The following ZFAT variants were observed in gnomAD, a reference collection of about 807,000 sequenced individuals.
ZFAT encodes the protein zinc finger and AT-hook domain containing.
In ZFAT, 64 loss-of-function variants were observed where a neutral mutation model predicts 117.7. The observed-to-expected ratio is 0.54, with a 90% CI of 0.44 to 0.67. The LOEUF (loss-of-function observed/expected upper bound fraction) is 0.67, where lower values mean the gene tolerates loss of function less well. ZFAT is among the 30% of genes least tolerant of loss of function. The pLI is 0.00. For missense variants in ZFAT, 1,433 were observed against 1,584.5 expected (o/e 0.90, Z 1.62); for synonymous variants, 679 against 615.0 (o/e 1.10, Z -1.54).
the ZFAT span, among the ~76,000 whole-genome samples, chr8:134,788,619 C>G: frequency 6.6e-6 from 1 of 152,042 alleles, no homozygotes; most frequent in Admixed American, 6.6e-5. Context: ...TCCTCTGCAT[C>G]TGATTTTTTG....
chr8:134,712,739 GGCGGCCGGCGC>G, intron 1 of ZFAT, 95 bp downstream of exon 1: 2 of 1,135,924 alleles, frequency 1.8e-6, no homozygotes, highest in Non-Finnish European at 2.3e-6. Context: ...GCCGGCGGCC[GGCGGCCGGCGC>G]ACTGCTTCCC....
the ZFAT span, among the ~76,000 whole-genome samples, chr8:134,742,163 C>CTTTTTTTTTTTT: frequency 6.8e-6 from 1 of 146,492 alleles, no homozygotes; most frequent in African/African-American, 2.5e-5. Context: ...CAGATCATTT[C>CTTTTTTTTTTTT]TTTTTTTTTT....
At position 134,625,618 on chromosome 8, in the gene ZFAT, T is replaced by C. The variant is rs974229860; in HGVS notation, c.448+11843A>G. Among the ~76,000 whole-genome samples, 4 of 152,208 alleles carry C rather than the reference T, an allele frequency of 2.6e-5. No individual in the cohort carries two copies. The East Asian group carries it at 7.7e-4, about 29-fold the overall frequency. ...GGAATAGACTTGTCTTACTCAACTT[T>C]GATCCCCAAAGTCTGACTTGGTGCC... On this transcript the variant is annotated intron_variant, in intron 3 of 15. Coordinates refer to ENST00000377838, the MANE Select transcript of ZFAT (RefSeq NM_020863.4).
At chr8:134,506,722 T>C (rs1372382613) in intron 15 of ZFAT, among the ~76,000 whole-genome samples, 2 of 152,232 alleles carry the variant, frequency 1.3e-5, no homozygotes, top group Non-Finnish European at 2.9e-5. Flanking sequence ...AGAGTATATA[T>C]CTATTTGTTT....
At chr8:134,673,637 T>C (rs1272833801) in intron 1 of ZFAT, 1 of 152,434 alleles carries the variant, frequency 6.6e-6, no homozygotes, top group Non-Finnish European at 1.5e-5. Context: ...TCTGCTTGTA[T>C]CTTTTCCTTC....
At position 134,512,581 on chromosome 8, in the gene ZFAT, C is replaced by G; in HGVS notation, c.3255G>C (p.Glu1085Asp). The change falls in exon 14 of 16, where the codon GAG (glutamate) becomes GAC (aspartate). Residue 1085 changes from glutamate to aspartate, a missense_variant. Glu to Asp is a conservative substitution (Grantham distance 45). Coordinates refer to ENST00000377838, the MANE Select transcript of ZFAT (RefSeq NM_020863.4). ...TGTGGAGATACTGGGTGGAGGGCTC[C>G]TCAGGAGCTTCTGTTGCTGTCTAAA... ...PKWETATEAP[E>D]EPSTQYLHIT... 1 of 1,613,648 alleles carries G rather than the reference C, an allele frequency of 6.2e-7. No individual in the cohort carries two copies. The highest frequency in any genetic ancestry group is 8.5e-7 in the Non-Finnish European group (1 of 1,179,796).
the ZFAT span, among the ~76,000 whole-genome samples, chr8:134,786,513 A>T: frequency 6.6e-6 from 1 of 152,174 alleles, no homozygotes; most frequent in Admixed American, 6.5e-5. Context: ...GCATTCACTG[A>T]GATAGTAACA....
At chr8:134,776,453 C>A in the ZFAT span, among the ~76,000 whole-genome samples, 1 of 152,118 alleles carries the variant, frequency 6.6e-6, no homozygotes, top group Admixed American at 6.6e-5. Flanking sequence ...CAGGCACGCA[C>A]CACCACATCC....
chr8:134,553,820 G>T (rs1206763574), intron 11 of ZFAT, among the ~76,000 whole-genome samples: 1 of 152,210 alleles, frequency 6.6e-6, no homozygotes, highest in Non-Finnish European at 1.5e-5. Context: ...AAGCTGCAGA[G>T]GGGAGAGTGC....
At position 134,552,328 on chromosome 8, in the gene ZFAT, T is replaced by C. The variant is rs75288362; in HGVS notation, c.2976+13005A>G. 5.3e-3 allele frequency among the ~76,000 whole-genome samples: 800 copies of C among 152,380 alleles called. 6 individuals carry two copies. Among genetic ancestry groups the C allele is most frequent in the African/African-American group, 0.018 (769 of 41,588 alleles). ...ACCAAATGAATAGTTAGCACTTTAT[T>C]TGTACTTATGTTTTTTCTTAAAATT... On this transcript the variant is annotated intron_variant, in intron 11 of 15. Transcript: ENST00000377838.
At chr8:134,826,599 T>C in the ZFAT span, among the ~76,000 whole-genome samples, 1 of 152,222 alleles carries the variant, frequency 6.6e-6, no homozygotes, top group Non-Finnish European at 1.5e-5. Context: ...TTTAAAAGAC[T>C]GTACACCTTA....
the ZFAT span, among the ~76,000 whole-genome samples, chr8:134,768,743 T>A: frequency 6.6e-6 from 1 of 152,190 alleles, no homozygotes; most frequent in Admixed American, 6.5e-5. Flanking sequence ...AAGATGAGAT[T>A]TGGGTGGGGA....
intron 2 of ZFAT, among the ~76,000 whole-genome samples, chr8:134,656,521 T>G (rs977261108): frequency 6.6e-6 from 1 of 152,234 alleles, no homozygotes; most frequent in Non-Finnish European, 1.5e-5. Context: ...TCCCAAAAAC[T>G]TAATCTTCTG....
intron 11 of ZFAT, 147 bp from the exon 12 acceptor site, chr8:134,533,119 G>T: frequency 7.8e-7 from 1 of 1,274,238 alleles, no homozygotes; most frequent in Non-Finnish European, 1.1e-6. Flanking sequence ...AAAACCACTA[G>T]GGCAGGAATG....
At chr8:134,810,706 A>C in the ZFAT span, among the ~76,000 whole-genome samples, 2 of 152,180 alleles carry the variant, frequency 1.3e-5, no homozygotes, top group East Asian at 1.9e-4. Flanking sequence ...AAAAGAATAA[A>C]GCTCTCACAG....
intron 12 of ZFAT, among the ~76,000 whole-genome samples, chr8:134,522,669 G>A (rs1385680318): frequency 1.3e-5 from 2 of 152,128 alleles, no homozygotes; most frequent in Non-Finnish European, 2.9e-5. Context: ...CCACAGCCCA[G>A]CATCAATCCA....
At chr8:134,782,151 C>T in the ZFAT span, among the ~76,000 whole-genome samples, 3 of 152,190 alleles carry the variant, frequency 2.0e-5, no homozygotes, top group Non-Finnish European at 2.9e-5. Context: ...AAAACTAACC[C>T]CTGCAAAGGC....
At chr8:134,591,288 G>C (rs552111426) in intron 7 of ZFAT, among the ~76,000 whole-genome samples, 191 of 152,356 alleles carry the variant, frequency 1.3e-3, no homozygotes, top group Middle Eastern at 6.8e-3. Context: ...GAAGTAGAGT[G>C]TGCGGACGCC....
At chr8:134,814,327 C>A in the ZFAT span, among the ~76,000 whole-genome samples, 8 of 152,158 alleles carry the variant, frequency 5.3e-5, no homozygotes, top group African/African-American at 1.9e-4. Context: ...CAGGATTTTT[C>A]AAAATACAAC....
Sources: allele counts gnomAD v4.1 joint callset (sites outside exome capture counted in the v4.1 genomes callset), GRCh38; gene constraint gnomAD v4.1.1; transcripts MANE v1.5; gene names NCBI Gene and HGNC (gene_info 2026-07-23, HGNC 2026-07-21).